Variants in PCDHGA7 observed in about 807,000 individuals in gnomAD.
The protein encoded by PCDHGA7 is protocadherin gamma subfamily A, 7.
In PCDHGA7, 44 loss-of-function variants were observed where a neutral mutation model predicts 58.3. The observed-to-expected ratio is 0.75, with a 90% CI of 0.59 to 0.97. PCDHGA7 has a LOEUF of 0.97. Among genes scored for constraint, PCDHGA7 ranks in the 50% least tolerant of loss-of-function variants. PCDHGA7 has a pLI of 0.00. For missense variants in PCDHGA7, 1,266 were observed against 1,188.7 expected, an observed-to-expected ratio of 1.06 and a Z score of -0.96; for synonymous variants, 516 against 504.2, an observed-to-expected ratio of 1.02 and a Z score of -0.31.
intron 1 of PCDHGA7, chr5:141,394,616 C>T (rs2093043198): frequency 1.2e-6 from 2 of 1,613,490 alleles, no homozygotes; most frequent in East Asian, 2.2e-5. Flanking sequence ...CGGGCCAGAA[C>T]GCCTGGCTGT....
Position 141,485,602 on chromosome 5 carries a change from G to A in PCDHGA7, c.2425-9205G>A, listed in dbSNP as rs766134158. On this transcript the variant is annotated intron_variant, in intron 1 of 3. Transcript: ENST00000518325. The surrounding 1 kb of genome is among the most constrained non-coding windows in gnomAD (Gnocchi z 5.7). ...GGCAGCAGCTGGACTTGGAAATTGG[G>A]GAGGCAGCTCCTCCAGGACAGCGTT... is the stretch of plus-strand genomic sequence containing the variant. 2.5e-6 allele frequency: 4 copies of A among 1,612,418 alleles called. No individual in the cohort carries two copies. In the Admixed American group the frequency reaches 5.0e-5, roughly 20 times the overall value.
rs754747902 is a variant in PCDHGA7 at position 141,417,898 on chromosome 5, G to T, written c.2424+32575G>T. The T allele has an allele frequency of 5.5e-5, 87 of 1,579,262 alleles. 1 individual carries two copies. The South Asian group carries it at 7.8e-4, about 14-fold the overall frequency. The stretch of plus-strand genomic sequence containing the variant: ...GCGCGCAGAGGCGCCGGGCCGGCCC[G>T]CGGCAGGTACTATTTCCTTTGCTGC... On this transcript the variant is annotated intron_variant, in intron 1 of 3. Coordinates refer to ENST00000518325, the MANE Select transcript of PCDHGA7 (RefSeq NM_018920.4).
chr5:141,389,356 C>A (rs188323445), intron 1 of PCDHGA7: 4 of 1,613,916 alleles, frequency 2.5e-6, no homozygotes, highest in Non-Finnish European at 3.4e-6. Flanking sequence ...TGCATCATGG[C>A]CAGTGACCTG....
rs1561607524 is a variant in PCDHGA7, at chr5:141,385,268, C to A, written c.2369C>A (p.Ser790Tyr). The A allele has an allele frequency of 1.9e-6, 3 of 1,613,616 alleles. No individual in the cohort carries two copies. Among genetic ancestry groups the A allele is most frequent in the South Asian group, 2.2e-5 (2 of 91,076 alleles). The change falls in exon 1 of 4, where the codon TCT becomes TAT. Residue 790 changes from serine to tyrosine, a missense_variant. Coordinates refer to ENST00000518325, the MANE Select transcript of PCDHGA7 (RefSeq NM_018920.4). ...ISQESCEKND[S>Y]LLTSVDFQEC... The stretch of plus-strand genomic sequence containing the variant: ...CAGGAGAGCTGTGAGAAAAATGATT[C>A]TTTGCTAACATCCGTAGATTTTCAG...
At chr5:141,401,532 A>G (rs1461153273) in intron 1 of PCDHGA7, among the ~76,000 whole-genome samples, 2 of 152,260 alleles carry the variant, frequency 1.3e-5, no homozygotes, top group Non-Finnish European at 2.9e-5. Context: ...GAAGAAACTT[A>G]CAAAAAAAAG....
chr5:141,489,257 T>C lies in PCDHGA7; in HGVS notation c.2425-5550T>C, dbSNP rs2099684606. 5.8e-6 allele frequency: 9 copies of C among 1,550,190 alleles called. No homozygotes were observed. The highest frequency in any genetic ancestry group is 1.4e-5 in the African/African-American group (1 of 73,054). On this transcript the variant is annotated intron_variant, in intron 1 of 3. Transcript: ENST00000518325. This position sits in a 1 kb window ranked among gnomAD's most constrained non-coding sequence, Gnocchi z 4.5. Reference sequence around the variant, plus strand: ...TTCTGGGTCATGGGGCCCAAGACACTCCCACAGCTCGCTGGGAAATGGCAA... The same window carrying C: ...TTCTGGGTCATGGGGCCCAAGACACCCCCACAGCTCGCTGGGAAATGGCAA...
chr5:141,478,635 A>T, intron 1 of PCDHGA7: 1 of 1,552,830 alleles, frequency 6.4e-7, no homozygotes, highest in Non-Finnish European at 8.7e-7. Context: ...TTTTTTAGTG[A>T]TGAAGATGTT....
Position 141,385,074 on chromosome 5 carries a change from G to T in PCDHGA7, c.2175G>T (p.Leu725=). Residue 725 remains leucine, a synonymous_variant, in exon 1 of 4, where the codon CTG becomes CTT. Coordinates refer to ENST00000518325, the MANE Select transcript of PCDHGA7 (RefSeq NM_018920.4). Reference sequence around the variant, plus strand: ...GGCGCTGGCACAAGTCACGCCTGCTGCAGGCTTCAGAAGGTGGCTTGGCGA... The same window carrying T: ...GGCGCTGGCACAAGTCACGCCTGCTTCAGGCTTCAGAAGGTGGCTTGGCGA... ...RLRRWHKSRL[L]QASEGGLANV... is the part of the protein sequence containing the mutation. 2 of 1,614,192 alleles carry T rather than the reference G, an allele frequency of 1.2e-6. No individual in the cohort carries two copies. The highest frequency in any genetic ancestry group is 1.3e-5 in the African/African-American group (1 of 75,068).
chr5:141,450,991 AT>A (rs1351194705), intron 1 of PCDHGA7, among the ~76,000 whole-genome samples: 2 of 150,700 alleles, frequency 1.3e-5, no homozygotes, highest in Non-Finnish European at 1.5e-5. Context: ...CACCCGGCTA[AT>A]TTTTTTGTAT....
intron 1 of PCDHGA7, chr5:141,408,068 C>G: frequency 7.3e-7 from 1 of 1,367,282 alleles, no homozygotes; most frequent in Non-Finnish European, 9.7e-7. Flanking sequence ...GCTGCGCAGA[C>G]CTTTCCCAGC....
chr5:141,387,742 C>T, intron 1 of PCDHGA7: 5 of 1,340,938 alleles, frequency 3.7e-6, no homozygotes, highest in Non-Finnish European at 5.0e-6. Context: ...CTTTACACCG[C>T]TTCCTCCTCG....
chr5:141,427,766 G>A lies in PCDHGA7; in HGVS notation c.2424+42443G>A, dbSNP rs549550151. The A allele has an allele frequency of 1.1e-4, 152 of 1,386,456 alleles. No homozygotes were observed. In the African/African-American group the frequency reaches 1.8e-3, roughly 17 times the overall value. The allele number at this position is 1,386,456 out of a possible 1,614,324, so 85.9% of individuals were successfully genotyped here. ...CCTACTCCATCGTTACCACTGACTT[G>A]GAGCTGCGGGCACTGTCGTCCTACG... On this transcript the variant is annotated intron_variant, in intron 1 of 3. Transcript: ENST00000518325.
chr5:141,507,861 C>G (rs538942097), intron 3 of PCDHGA7, among the ~76,000 whole-genome samples: 6 of 152,306 alleles, frequency 3.9e-5, no homozygotes, highest in South Asian at 4.1e-4. Flanking sequence ...CTTTCACACC[C>G]GCTTCCTAGC....
Position 141,450,758 on chromosome 5 carries a change from A to C in PCDHGA7, c.2425-44049A>C, listed in dbSNP as rs1007910264. On this transcript the variant is annotated intron_variant, in intron 1 of 3. Transcript: ENST00000518325. ...CGCCTTGGCCTCCCAAAGTGCCGGGATTACAGGCATGAGCCACCGTGCCCG... is the reference window on the plus strand; with the variant it reads ...CGCCTTGGCCTCCCAAAGTGCCGGGCTTACAGGCATGAGCCACCGTGCCCG... Among the ~76,000 whole-genome samples the C allele has an allele frequency of 5.3e-5, 8 of 151,784 alleles. No individual in the cohort carries two copies. In the East Asian group the frequency reaches 1.4e-3, roughly 26 times the overall value.
intron 1 of PCDHGA7, chr5:141,408,042 C>T (rs2095031452): frequency 1.7e-6 from 2 of 1,204,046 alleles, no homozygotes; most frequent in Non-Finnish European, 2.2e-6. Flanking sequence ...AACCAGCTCC[C>T]ACACAGAGCC....
At chr5:141,405,491 C>T (rs1399017717) in intron 1 of PCDHGA7, 1 of 858,762 alleles carries the variant, frequency 1.2e-6, no homozygotes, top group East Asian at 2.7e-5. Flanking sequence ...GTGATCTCGG[C>T]TCATTGCAAC....
chr5:141,396,584 C>T (rs2093399172), intron 1 of PCDHGA7: 1 of 151,318 alleles, frequency 6.6e-6, no homozygotes, highest in Non-Finnish European at 1.5e-5. Flanking sequence ...CCTGTCACTG[C>T]ACTCCAGCCT....
In PCDHGA7 at chr5:141,413,613, TA is replaced by T. The variant is rs2095659138; in HGVS notation, c.2424+28292del. The T allele has an allele frequency of 4.3e-6, 7 of 1,613,714 alleles. No individual in the cohort carries two copies. The East Asian group carries it at 1.6e-4, about 36-fold the overall frequency. On this transcript the variant is annotated intron_variant, in intron 1 of 3. Transcript: ENST00000518325. Reference sequence around the variant, plus strand: ...AAGCAGAAAATCTAGACGTAAAAATTAATGAAAATGTCGCTGCGGGAATGCG... The same window carrying T: ...AAGCAGAAAATCTAGACGTAAAAATTATGAAAATGTCGCTGCGGGAATGCG...
chr5:141,393,979 AT>A (rs2092890598), intron 1 of PCDHGA7: 1 of 1,613,732 alleles, frequency 6.2e-7, no homozygotes, highest in South Asian at 1.1e-5. Context: ...ACACGTGATA[AT>A]TTACCTTTTA....
Sources: allele counts gnomAD v4.1 joint callset (sites outside exome capture counted in the v4.1 genomes callset), GRCh38; gene constraint gnomAD v4.1.1; non-coding constraint Gnocchi (gnomAD v3.1); transcripts MANE v1.5; gene names NCBI Gene and HGNC (gene_info 2026-07-23, HGNC 2026-07-21).